The following SLC25A21 variants were observed in gnomAD, a reference collection of about 807,000 sequenced individuals.
The protein encoded by SLC25A21 is solute carrier family 25 member 21, also known as mitochondrial 2-oxodicarboxylate carrier.
A neutral mutation model predicts 43.8 loss-of-function variants in SLC25A21; 47 were observed. The observed-to-expected ratio is 1.07, with a 90% CI of 0.85 to 1.37. The LOEUF is 1.37. Ranked by LOEUF, SLC25A21 falls within the 40% of genes most tolerant of loss-of-function variation. The pLI is 0.00. For missense variants in SLC25A21, 352 were observed against 350.2 expected (o/e 1.00, Z -0.04); for synonymous variants, 131 against 121.3 (o/e 1.08, Z -0.52).
At chr14:36,930,550 T>C (rs1892259459) in intron 1 of SLC25A21, among the ~76,000 whole-genome samples, 1 of 152,158 alleles carries the variant, frequency 6.6e-6, no homozygotes, top group Non-Finnish European at 1.5e-5. Flanking sequence ...ACTTCTTGTT[T>C]TGATTACACT....
At chr14:36,725,533 A>G (rs759447820) in intron 6 of SLC25A21, 37 bp downstream of exon 6, 9 of 815,412 alleles carry the variant, frequency 1.1e-5, no homozygotes, top group Non-Finnish European at 1.6e-5. Context: ...ATAAATTTTT[A>G]CATGCCCCTA....
intron 1 of SLC25A21, among the ~76,000 whole-genome samples, chr14:36,973,896 A>G (rs61989475): frequency 0.01 from 1,572 of 152,314 alleles, 22 homozygotes; most frequent in African/African-American, 0.035. Context: ...GGCAAATTCA[A>G]TTTTCAAATA....
chr14:37,153,472 T>C (rs1963794481), intron 1 of SLC25A21, among the ~76,000 whole-genome samples: 2 of 152,032 alleles, frequency 1.3e-5, no homozygotes, highest in Admixed American at 6.6e-5. Flanking sequence ...GCAGAATGAG[T>C]TGCTGGTGGG....
intron 2 of SLC25A21, chr14:36,870,731 A>C (rs1890345729): frequency 6.6e-6 from 1 of 152,210 alleles, no homozygotes; most frequent in Admixed American, 6.5e-5. Context: ...AGAAATGTTG[A>C]AGTGAATTAC....
chr14:37,130,040 C>T (rs1226647858), intron 1 of SLC25A21, among the ~76,000 whole-genome samples: 4 of 147,996 alleles, frequency 2.7e-5, no homozygotes, highest in Non-Finnish European at 5.9e-5. Flanking sequence ...TCACTTGAGG[C>T]CAGGAGTTCA....
chr14:37,136,842 T>C (rs774469787), intron 1 of SLC25A21, among the ~76,000 whole-genome samples: 1 of 151,980 alleles, frequency 6.6e-6, no homozygotes, highest in African/African-American at 2.4e-5. Flanking sequence ...TGTAAGACAT[T>C]CTGGAAAAGA....
chr14:36,707,256 G>T (rs1381235468), intron 7 of SLC25A21, among the ~76,000 whole-genome samples: 1 of 152,156 alleles, frequency 6.6e-6, no homozygotes, highest in Admixed American at 6.5e-5. Context: ...TATACTGGGG[G>T]AATTTCTCCT....
At chr14:36,792,311 T>C (rs1887515193) in intron 3 of SLC25A21, among the ~76,000 whole-genome samples, 1 of 152,136 alleles carries the variant, frequency 6.6e-6, no homozygotes, top group African/African-American at 2.4e-5. Context: ...TATAAAAACT[T>C]GATCCTTTTG....
chr14:37,101,545 G>A (rs1962817081), intron 1 of SLC25A21, among the ~76,000 whole-genome samples: 1 of 152,144 alleles, frequency 6.6e-6, no homozygotes. Context: ...TATGAAGACA[G>A]CTGTCATAAT....
Position 37,172,529 on chromosome 14 carries a change from G to A in SLC25A21, c.-179C>T. 4.0e-6 allele frequency: 3 copies of A among 742,754 alleles called. No homozygotes were observed. Among genetic ancestry groups the A allele is most frequent in the Non-Finnish European group, 7.2e-6 (3 of 416,582 alleles). The allele number at this position is 742,754 out of a possible 1,614,324, so 46.0% of individuals were successfully genotyped here. ...GGTTCGAGGCGCAGATTCGTCGCGC[G>A]ATCTCCGGCGCGTCGGAACCTGTTC... On this transcript the variant is annotated 5_prime_UTR_variant, in exon 1 of 10. Transcript: ENST00000331299.
chr14:37,116,091 C>G (rs1459908587), intron 1 of SLC25A21, among the ~76,000 whole-genome samples: 1 of 151,950 alleles, frequency 6.6e-6, no homozygotes, highest in Admixed American at 6.6e-5. Context: ...GAAGTATTGG[C>G]TTTAAAAAAA....
At chr14:36,812,830 A>G (rs1888320307) in intron 3 of SLC25A21, among the ~76,000 whole-genome samples, 1 of 152,124 alleles carries the variant, frequency 6.6e-6, no homozygotes, top group Non-Finnish European at 1.5e-5. Flanking sequence ...TCCACTACTC[A>G]CCAGAAATGT....
intron 2 of SLC25A21, among the ~76,000 whole-genome samples, chr14:36,860,534 G>T (rs1026740256): frequency 7.2e-5 from 11 of 152,080 alleles, no homozygotes; most frequent in Admixed American, 5.9e-4. Context: ...TGCCTTAGTG[G>T]ATCTGTGTTA....
intron 3 of SLC25A21, among the ~76,000 whole-genome samples, chr14:36,798,776 A>G (rs543122267): frequency 1.3e-5 from 2 of 152,258 alleles, no homozygotes; most frequent in East Asian, 3.9e-4. Flanking sequence ...ACTTCAGGGA[A>G]CTATGTCTCA....
intron 3 of SLC25A21, among the ~76,000 whole-genome samples, chr14:36,812,651 T>C (rs1371087940): frequency 6.6e-6 from 1 of 152,066 alleles, no homozygotes; most frequent in Non-Finnish European, 1.5e-5. Flanking sequence ...AATTACTATG[T>C]TGTTAAAGAG....
At chr14:36,884,768 T>C (rs1890865710) in intron 1 of SLC25A21, among the ~76,000 whole-genome samples, 1 of 152,200 alleles carries the variant, frequency 6.6e-6, no homozygotes, top group African/African-American at 2.4e-5. Flanking sequence ...TGGCTGCCTG[T>C]ATGTCTTTTT....
chr14:36,915,103 G>A (rs1891795605), intron 1 of SLC25A21, among the ~76,000 whole-genome samples: 2 of 152,002 alleles, frequency 1.3e-5, no homozygotes, highest in Non-Finnish European at 1.5e-5. Context: ...ATATGTAGGG[G>A]TCTTCTTATT....
Position 37,096,206 on chromosome 14 carries a change from T to G in SLC25A21, c.70+76075A>C, listed in dbSNP as rs79718925. Among the ~76,000 whole-genome samples, 1,310 of 152,300 alleles carry G rather than the reference T, an allele frequency of 8.6e-3. 20 individuals are homozygous for G. Among genetic ancestry groups the G allele is most frequent in the African/African-American group, 0.029 (1,222 of 41,560 alleles). ...AAAGTGCATTATTGGATCAAACTTA[T>G]AAAAGTATTGCATCAATGACAAATG... On this transcript the variant is annotated intron_variant, in intron 1 of 9. Coordinates refer to ENST00000331299, the MANE Select transcript of SLC25A21 (RefSeq NM_030631.4).
At chr14:37,127,411 C>A (rs974901405) in intron 1 of SLC25A21, among the ~76,000 whole-genome samples, 1 of 152,168 alleles carries the variant, frequency 6.6e-6, no homozygotes, top group Non-Finnish European at 1.5e-5. Context: ...AAACAAATAT[C>A]TTTGACTTTA....
Sources: allele counts gnomAD v4.1 joint callset (sites outside exome capture counted in the v4.1 genomes callset), GRCh38; gene constraint gnomAD v4.1.1; transcripts MANE v1.5; gene names NCBI Gene and HGNC (gene_info 2026-07-23, HGNC 2026-07-21).